CNOT4: variants seen among roughly 807,000 people sequenced by gnomAD.
The protein encoded by CNOT4 is CCR4-NOT transcription complex subunit 4.
In CNOT4, 8 loss-of-function variants were observed where a neutral mutation model predicts 73.8. That is an observed-to-expected ratio of 0.11 (90% CI 0.06 to 0.20). The LOEUF is 0.20. CNOT4 is among the 10% of genes least tolerant of loss of function. The pLI, the probability that CNOT4 is intolerant of heterozygous loss-of-function variation, is 1.00. For missense variants in CNOT4, 564 were observed against 883.4 expected, an observed-to-expected ratio of 0.64 and a Z score of 4.58; for synonymous variants, 293 against 321.1, an observed-to-expected ratio of 0.91 and a Z score of 0.94.
chr7:135,499,196 A>G (rs529614254), intron 1 of CNOT4, among the ~76,000 whole-genome samples: 6 of 152,292 alleles, frequency 3.9e-5, no homozygotes, highest in Middle Eastern at 3.4e-3. Flanking sequence ...TGAGACGGAG[A>G]GATTAAAACA....
At chr7:135,459,295 T>C (rs1306287859) in intron 1 of CNOT4, among the ~76,000 whole-genome samples, 1 of 152,140 alleles carries the variant, frequency 6.6e-6, no homozygotes, top group Admixed American at 6.5e-5. Flanking sequence ...CCAGGCTTCC[T>C]ACCATTCTCT....
intron 1 of CNOT4, among the ~76,000 whole-genome samples, chr7:135,491,237 A>T (rs928358913): frequency 1.3e-5 from 2 of 152,210 alleles, no homozygotes; most frequent in African/African-American, 4.8e-5. Flanking sequence ...GGCTGAAAAA[A>T]TTCATTTGAG....
At chr7:135,473,156 A>G (rs1298926052) in intron 1 of CNOT4, among the ~76,000 whole-genome samples, 1 of 152,226 alleles carries the variant, frequency 6.6e-6, no homozygotes, top group Non-Finnish European at 1.5e-5. Context: ...TTTGAATAAG[A>G]GTCCTGAAAG....
chr7:135,456,763 G>A (rs574480897), intron 1 of CNOT4, among the ~76,000 whole-genome samples: 55 of 151,752 alleles, frequency 3.6e-4, no homozygotes, highest in African/African-American at 1.1e-3. Flanking sequence ...CCCCATCCCC[G>A]AAAATTTTCC....
chr7:135,389,266 A>T (rs1365000471), intron 10 of CNOT4, among the ~76,000 whole-genome samples: 1 of 151,962 alleles, frequency 6.6e-6, no homozygotes. Context: ...TTTGTGAAAA[A>T]ATTAAACCTT....
chr7:135,486,994 T>C (rs1563078446), intron 1 of CNOT4, among the ~76,000 whole-genome samples: 1 of 152,246 alleles, frequency 6.6e-6, no homozygotes, highest in South Asian at 2.1e-4. Flanking sequence ...CTGTCAAGAT[T>C]ATCCTTCCAT....
intron 10 of CNOT4, among the ~76,000 whole-genome samples, chr7:135,382,049 C>T (rs1285310997): frequency 6.6e-6 from 1 of 152,086 alleles, no homozygotes; most frequent in African/African-American, 2.4e-5. Context: ...CAAGAGGAAC[C>T]TGGAGAAAAG....
chr7:135,452,196 G>A (rs1041414331), intron 1 of CNOT4, among the ~76,000 whole-genome samples: 2 of 152,112 alleles, frequency 1.3e-5, no homozygotes, highest in African/African-American at 2.4e-5. Context: ...CTATGATCAC[G>A]TCACTACACC....
chr7:135,381,823 TAAAGGCTTTA>T (rs368481274), intron 10 of CNOT4, among the ~76,000 whole-genome samples: 206 of 152,346 alleles, frequency 1.4e-3, no homozygotes, highest in African/African-American at 4.7e-3. Context: ...ATGGATGCAT[TAAAGGCTTTA>T]TAAATTATAT....
intron 10 of CNOT4, among the ~76,000 whole-genome samples, chr7:135,365,055 T>C (rs541350392): frequency 3.3e-5 from 5 of 152,232 alleles, no homozygotes; most frequent in East Asian, 3.8e-4. Context: ...ACAGAACTGA[T>C]TGGCAATCAA....
intron 10 of CNOT4, among the ~76,000 whole-genome samples, chr7:135,368,002 C>T (rs1277540258): frequency 6.6e-6 from 1 of 151,846 alleles, no homozygotes; most frequent in Non-Finnish European, 1.5e-5. Flanking sequence ...TAAATATGTA[C>T]AACAAAACAC....
At position 135,414,452 on chromosome 7, in the gene CNOT4, T is replaced by G; in HGVS notation, c.460-20A>C. 9.7e-7 allele frequency: 1 copy of G among 1,030,654 alleles called. No individual in the cohort carries two copies. The highest frequency in any genetic ancestry group is 2.4e-5 in the East Asian group (1 of 42,024). 63.8% of individuals were successfully genotyped at this position (1,030,654 alleles called of 1,614,324 possible). ...TGGACCCTAAAGTGAAAACATCCCA[T>G]TCCACTGTTATTAGTTAAAAATTAA... On this transcript the variant is annotated intron_variant, in intron 4 of 11. Coordinates refer to ENST00000541284, the MANE Select transcript of CNOT4 (RefSeq NM_001190850.2).
rs577015955 is a variant in CNOT4, at chr7:135,384,331, C to CTGGAGCA, written c.1627+9580_1627+9586dup. On this transcript the variant is annotated intron_variant, in intron 10 of 11. Coordinates refer to ENST00000541284, the MANE Select transcript of CNOT4 (RefSeq NM_001190850.2). ...ACGGAGTCTCGCTCTGTTGCCCAGG[C>CTGGAGCA]TGGAGCACAGTGGCACCATCTCGGC... is the stretch of plus-strand genomic sequence containing the variant. The CTGGAGCA allele has an allele frequency of 9.8e-4, 199 of 202,604 alleles. 1 individual carries two copies. The highest frequency in any genetic ancestry group is 4.4e-3 in the African/African-American group (188 of 42,516). The allele number at this position is 202,604 out of a possible 1,614,324, so 12.6% of individuals were successfully genotyped here.
chr7:135,365,301 T>A (rs1336516803), intron 10 of CNOT4, among the ~76,000 whole-genome samples: 2 of 152,032 alleles, frequency 1.3e-5, no homozygotes, highest in African/African-American at 4.8e-5. Flanking sequence ...AAAAGCACTC[T>A]AGGCTACACA....
rs543325448 is a variant in CNOT4, at chr7:135,435,606, T to C, written c.174+2552A>G. 7.9e-5 allele frequency among the ~76,000 whole-genome samples: 12 copies of C among 152,342 alleles called. No homozygotes were observed. The South Asian group carries it at 1.2e-3, about 16-fold the overall frequency. ...TGATAGTTTTAAATGTCTTTCTGTT[T>C]TGTTTCCTGTGTTAGGATCTTCTAT... On this transcript the variant is annotated intron_variant, in intron 2 of 11. Coordinates refer to ENST00000541284, the MANE Select transcript of CNOT4 (RefSeq NM_001190850.2).
intron 1 of CNOT4, among the ~76,000 whole-genome samples, chr7:135,445,261 T>A (rs1481885542): frequency 6.6e-6 from 1 of 152,208 alleles, no homozygotes. Context: ...TCCAGCTTTA[T>A]TACTATTAGT....
intron 2 of CNOT4, among the ~76,000 whole-genome samples, chr7:135,435,934 G>A (rs1482607258): frequency 2.7e-5 from 4 of 147,830 alleles, no homozygotes; most frequent in Non-Finnish European, 6.0e-5. Flanking sequence ...CAAAAAAGGG[G>A]GTAGGCCTAT....
chr7:135,441,937 G>C lies in CNOT4; in HGVS notation c.-92-3514C>G, dbSNP rs182544494. Among the ~76,000 whole-genome samples the C allele has an allele frequency of 2.0e-5, 3 of 152,284 alleles. No individual in the cohort carries two copies. In the East Asian group the frequency reaches 5.8e-4, roughly 29 times the overall value. Reference sequence around the variant, plus strand: ...ATTTGTGCACCTCTAGCACCATGGAGAGAAGCCACAGAAGCCAGCTGCCAA... The same window carrying C: ...ATTTGTGCACCTCTAGCACCATGGACAGAAGCCACAGAAGCCAGCTGCCAA... On this transcript the variant is annotated intron_variant, in intron 1 of 11. Transcript: ENST00000541284.
chr7:135,422,838 C>T (rs1227611416), intron 2 of CNOT4, among the ~76,000 whole-genome samples: 1 of 152,142 alleles, frequency 6.6e-6, no homozygotes, highest in Admixed American at 6.5e-5. Flanking sequence ...ACATAGTAAT[C>T]TCTCAGTATA....
Sources: gnomAD v4.1 joint callset for allele counts (sites outside exome capture counted in the v4.1 genomes callset) on GRCh38, gnomAD v4.1.1 for gene constraint, MANE v1.5 for transcripts, NCBI Gene and HGNC (gene_info 2026-07-23, HGNC 2026-07-21) for gene names.